SLC24A2: variants seen among roughly 807,000 people sequenced by gnomAD.
The protein encoded by SLC24A2 is solute carrier family 24 member 2.
SLC24A2 carries 36 observed loss-of-function variants against 62.0 expected under a neutral mutation model. The ratio of observed to expected loss-of-function variants is 0.58; its 90% CI spans 0.44 to 0.77. SLC24A2 has a LOEUF of 0.77. SLC24A2 is among the 30% of genes least tolerant of loss of function. SLC24A2 has a pLI of 0.00. For synonymous variants in SLC24A2, 358 were observed against 294.0 expected (o/e 1.22, Z -2.23); for missense variants, 846 against 817.9 (o/e 1.03, Z -0.42).
the SLC24A2 span, among the ~76,000 whole-genome samples, chr9:20,240,618 G>A: frequency 6.6e-6 from 1 of 152,112 alleles, no homozygotes; most frequent in Admixed American, 6.5e-5. Context: ...TCTAAGATTG[G>A]CACTCAGGTT....
the SLC24A2 span, among the ~76,000 whole-genome samples, chr9:20,235,171 T>C: frequency 6.6e-6 from 1 of 152,040 alleles, no homozygotes; most frequent in Non-Finnish European, 1.5e-5. Flanking sequence ...TACTCGGGGG[T>C]CAGGGACCCA....
At chr9:19,525,104 T>C (rs952255220) in intron 9 of SLC24A2, among the ~76,000 whole-genome samples, 1 of 152,142 alleles carries the variant, frequency 6.6e-6, no homozygotes, top group African/African-American at 2.4e-5. Context: ...TCAATGAGTG[T>C]ATAAAATAAT....
chr9:19,526,798 C>T (rs1245841153), intron 9 of SLC24A2, among the ~76,000 whole-genome samples: 1 of 151,872 alleles, frequency 6.6e-6, no homozygotes, highest in East Asian at 1.9e-4. Context: ...CTGTGGTTTT[C>T]CTTTTCCTTT....
chr9:19,798,344 C>T, the SLC24A2 span, among the ~76,000 whole-genome samples: 102 of 152,274 alleles, frequency 6.7e-4, no homozygotes, highest in African/African-American at 2.4e-3. Context: ...CCTTTCCCAA[C>T]TTTATAGAAC....
the SLC24A2 span, among the ~76,000 whole-genome samples, chr9:19,878,888 A>C: frequency 6.6e-6 from 1 of 152,192 alleles, no homozygotes; most frequent in East Asian, 1.9e-4. Context: ...TCTCCCCCAG[A>C]AAACCCCCAA....
At chr9:19,531,277 G>T (rs1051683241) in intron 8 of SLC24A2, among the ~76,000 whole-genome samples, 1 of 152,122 alleles carries the variant, frequency 6.6e-6, no homozygotes, top group Non-Finnish European at 1.5e-5. Flanking sequence ...GGACAGCATG[G>T]TCTCATTCCA....
At chr9:19,889,369 AATTATTATT>A in the SLC24A2 span, among the ~76,000 whole-genome samples, 1 of 151,192 alleles carries the variant, frequency 6.6e-6, no homozygotes, top group Non-Finnish European at 1.5e-5. Flanking sequence ...CATAAATTGT[AATTATTATT>A]ATTATTATTA....
At chr9:20,205,409 G>A in the SLC24A2 span, among the ~76,000 whole-genome samples, 1 of 152,036 alleles carries the variant, frequency 6.6e-6, no homozygotes, top group Non-Finnish European at 1.5e-5. Flanking sequence ...AGCACTTTGG[G>A]AGGCCGAGGC....
the SLC24A2 span, among the ~76,000 whole-genome samples, chr9:19,902,694 A>G: frequency 6.6e-6 from 1 of 152,182 alleles, no homozygotes; most frequent in Non-Finnish European, 1.5e-5. Flanking sequence ...CCAGTATCAC[A>G]TATCGATGAA....
At chr9:20,248,323 A>T in the SLC24A2 span, among the ~76,000 whole-genome samples, 1 of 152,236 alleles carries the variant, frequency 6.6e-6, no homozygotes, top group Non-Finnish European at 1.5e-5. Context: ...GATTTCAAAA[A>T]TAGAGCACAT....
At chr9:20,213,411 A>G in the SLC24A2 span, among the ~76,000 whole-genome samples, 3 of 152,036 alleles carry the variant, frequency 2.0e-5, no homozygotes, top group African/African-American at 7.3e-5. Flanking sequence ...TAAGTTTAAG[A>G]AGCCAGAAAA....
chr9:20,192,358 A>G, the SLC24A2 span, among the ~76,000 whole-genome samples: 1 of 151,546 alleles, frequency 6.6e-6, no homozygotes, highest in Non-Finnish European at 1.5e-5. Context: ...GCAGCCAGTG[A>G]ATGTTTTAAA....
At chr9:20,195,051 T>C in the SLC24A2 span, among the ~76,000 whole-genome samples, 2 of 152,186 alleles carry the variant, frequency 1.3e-5, no homozygotes, top group Non-Finnish European at 2.9e-5. Flanking sequence ...GATATGTTCT[T>C]TTTGTCTCAG....
At chr9:19,819,985 A>C in the SLC24A2 span, among the ~76,000 whole-genome samples, 2 of 145,876 alleles carry the variant, frequency 1.4e-5, no homozygotes, top group Non-Finnish European at 1.5e-5. Flanking sequence ...GTAGATAAAG[A>C]AACTGCAGTA....
At chr9:20,082,596 G>T in the SLC24A2 span, among the ~76,000 whole-genome samples, 2 of 152,310 alleles carry the variant, frequency 1.3e-5, no homozygotes, top group South Asian at 2.1e-4. Flanking sequence ...TCACCAGCTG[G>T]CTGCCTGTCA....
the SLC24A2 span, among the ~76,000 whole-genome samples, chr9:19,839,470 T>C: frequency 6.6e-6 from 1 of 152,180 alleles, no homozygotes; most frequent in Non-Finnish European, 1.5e-5. Context: ...CTGGATTATA[T>C]TTTTCTTTTT....
At chr9:19,829,644 T>C in the SLC24A2 span, among the ~76,000 whole-genome samples, 3 of 151,736 alleles carry the variant, frequency 2.0e-5, no homozygotes, top group South Asian at 4.2e-4. Flanking sequence ...GGTGGGAAGA[T>C]CACTTGAGCC....
chr9:19,683,391 T>C (rs763740002), intron 2 of SLC24A2, among the ~76,000 whole-genome samples: 7 of 152,116 alleles, frequency 4.6e-5, no homozygotes, highest in African/African-American at 9.7e-5. Context: ...GAGCGGTATC[T>C]TGAAAGATGG....
At chr9:19,976,353 G>T in the SLC24A2 span, among the ~76,000 whole-genome samples, 1 of 152,212 alleles carries the variant, frequency 6.6e-6, no homozygotes, top group Non-Finnish European at 1.5e-5. Context: ...GGGCAGACAT[G>T]CCCCTTGCTA....
Sources: allele counts gnomAD v4.1 joint callset (sites outside exome capture counted in the v4.1 genomes callset), GRCh38; gene constraint gnomAD v4.1.1; transcripts MANE v1.5; gene names NCBI Gene and HGNC (gene_info 2026-07-23, HGNC 2026-07-21).